The following UNC80 variants were observed in gnomAD, a reference collection of about 807,000 sequenced individuals.
UNC80 encodes protein unc-80 homolog.
Under a neutral mutation model 384.6 loss-of-function variants are expected in UNC80, and 164 were observed. The ratio of observed to expected loss-of-function variants is 0.43; its 90% confidence interval spans 0.38 to 0.49. UNC80 has a LOEUF of 0.49. Among genes scored for constraint, UNC80 ranks in the 20% least tolerant of loss-of-function variants. The probability of loss-of-function intolerance (pLI) is 0.00; values close to 1 mark genes in which losing one functional copy is unlikely to be tolerated. For synonymous variants in UNC80, 1,486 were observed against 1,527.8 expected (o/e 0.97, Z 0.64); for missense variants, 3,330 against 4,143.0 (o/e 0.80, Z 5.39).
Position 209,973,277 on chromosome 2 carries a change from A to ACTTT in UNC80, c.8587+10_8587+13dup, listed in dbSNP as rs979982373. Reference sequence around the variant, plus strand: ...AGCCAAGCAGCATACTTGGGTTGGTACTTTCTCTCTCTCTCTCTCTGTTTG... The same window carrying ACTTT: ...AGCCAAGCAGCATACTTGGGTTGGTACTTTCTTTCTCTCTCTCTCTCTCTGTTTG... On this transcript the variant is annotated splice_region_variant and intron_variant, in intron 56 of 64. Coordinates refer to ENST00000673920, the MANE Select transcript of UNC80 (RefSeq NM_001371986.1). 3.2e-6 allele frequency: 5 copies of ACTTT among 1,550,646 alleles called. No homozygotes were observed. In the African/African-American group the frequency reaches 5.5e-5, roughly 17 times the overall value.
rs112014507 is a variant in UNC80, at chr2:209,938,601, T to C, written c.6466-871T>C. Among the ~76,000 whole-genome samples the C allele has an allele frequency of 4.6e-3, 695 of 151,902 alleles. 4 individuals carry two copies. The highest frequency in any genetic ancestry group is 0.016 in the African/African-American group (665 of 41,412). On this transcript the variant is annotated intron_variant, in intron 42 of 64. Coordinates refer to ENST00000673920, the MANE Select transcript of UNC80 (RefSeq NM_001371986.1). ...TAAACAATTCCTAAAACAATTCTCCTCAAATTACCCCAGCCCATGATTTTG... is the reference window on the plus strand; with the variant it reads ...TAAACAATTCCTAAAACAATTCTCCCCAAATTACCCCAGCCCATGATTTTG...
intron 32 of UNC80, among the ~76,000 whole-genome samples, 167 bp from the exon 33 acceptor site, chr2:209,918,365 A>G (rs1386382942): frequency 6.6e-6 from 1 of 152,232 alleles, no homozygotes; most frequent in Non-Finnish European, 1.5e-5. Context: ...CTTGTGCTCT[A>G]TAACAGAAAA....
intron 22 of UNC80, among the ~76,000 whole-genome samples, chr2:209,852,377 A>C (rs142923879): frequency 8.3e-4 from 127 of 152,222 alleles, no homozygotes; most frequent in African/African-American, 2.9e-3. Context: ...GATAAAAGGC[A>C]TAGGTGATGA....
In UNC80 at chr2:209,793,701, C is replaced by G; in HGVS notation, c.799-19C>G. On this transcript the variant is annotated intron_variant, in intron 6 of 64. Transcript: ENST00000673920. ...AAAACAAAAAACAAAACCTAATCTG[C>G]TATCTCTGCCTCCAAAAGGGACTCC... The G allele has an allele frequency of 6.2e-7, 1 of 1,612,114 alleles. No individual in the cohort carries two copies.
chr2:209,836,377 A>G (rs6761179), intron 18 of UNC80, among the ~76,000 whole-genome samples: 105,575 of 152,038 alleles, frequency 0.69, 41,639 homozygotes, highest in Non-Finnish European at 0.89. Context: ...AACACCAGCA[A>G]CTATTGAGCT....
At chr2:209,988,114 G>A (rs867943787) in intron 61 of UNC80, among the ~76,000 whole-genome samples, 3 of 152,034 alleles carry the variant, frequency 2.0e-5, no homozygotes, top group African/African-American at 7.2e-5. Flanking sequence ...ATCTTTTATT[G>A]AGAAAAGGGG....
chr2:209,946,918 T>C (rs1280458906), intron 47 of UNC80, among the ~76,000 whole-genome samples: 3 of 152,188 alleles, frequency 2.0e-5, no homozygotes, highest in Non-Finnish European at 4.4e-5. Flanking sequence ...TTATATTAAT[T>C]GAACTCTTTT....
chr2:209,854,735 A>G (rs921655957), intron 22 of UNC80, among the ~76,000 whole-genome samples: 1 of 152,212 alleles, frequency 6.6e-6, no homozygotes, highest in Non-Finnish European at 1.5e-5. Context: ...ACAAATCAAA[A>G]CTACAATGAG....
chr2:209,914,052 G>A, intron 31 of UNC80, 112 bp downstream of exon 31: 1 of 1,295,626 alleles, frequency 7.7e-7, no homozygotes. Flanking sequence ...TCAAGTTAAT[G>A]GCAATTGCTA....
At chr2:209,875,909 T>G (rs1291317888) in intron 23 of UNC80, among the ~76,000 whole-genome samples, 2 of 152,082 alleles carry the variant, frequency 1.3e-5, no homozygotes, top group Non-Finnish European at 2.9e-5. Context: ...GTACAAGCAG[T>G]TTTTGACCAC....
chr2:209,797,610 T>A (rs188888173), intron 7 of UNC80, among the ~76,000 whole-genome samples: 1 of 152,320 alleles, frequency 6.6e-6, no homozygotes, highest in Admixed American at 6.5e-5. Context: ...TCTTTGCTAT[T>A]GTAAATAGTG....
At chr2:209,940,057 G>C (rs1489349310) in intron 43 of UNC80, among the ~76,000 whole-genome samples, 1 of 152,184 alleles carries the variant, frequency 6.6e-6, no homozygotes, top group Non-Finnish European at 1.5e-5. Flanking sequence ...TGCTGATGCT[G>C]CTATCCCAAG....
intron 4 of UNC80, among the ~76,000 whole-genome samples, chr2:209,782,349 C>A (rs746429984): frequency 3.3e-5 from 5 of 152,040 alleles, no homozygotes; most frequent in Non-Finnish European, 7.4e-5. Context: ...TTTTTCAGAT[C>A]TTTTCTCATG....
In UNC80 at chr2:209,793,809, T is replaced by C; in HGVS notation, c.888T>C (p.Asp296=). 6.2e-7 allele frequency: 1 copy of C among 1,614,188 alleles called. No homozygotes were observed. The highest frequency in any genetic ancestry group is 8.5e-7 in the Non-Finnish European group (1 of 1,179,998). Residue 296 remains aspartate (D), a synonymous_variant, in exon 7 of 65, where the codon GAT becomes GAC. Coordinates refer to ENST00000673920, the MANE Select transcript of UNC80 (RefSeq NM_001371986.1). ...ISGCHRGNSF[D]GSLSSQTSQE... is the part of the protein sequence containing the mutation. Reference sequence around the variant, plus strand: ...GCTGTCACCGAGGAAACTCCTTTGATGGAAGTCTGTCCTCCCAAACTTCCC... The same window carrying C: ...GCTGTCACCGAGGAAACTCCTTTGACGGAAGTCTGTCCTCCCAAACTTCCC...
chr2:209,824,442 G>C (rs2080361955), intron 13 of UNC80, among the ~76,000 whole-genome samples: 1 of 152,124 alleles, frequency 6.6e-6, no homozygotes, highest in Non-Finnish European at 1.5e-5. Flanking sequence ...TTTGAAGCTG[G>C]GATGGCTCTT....
At chr2:209,990,286 C>G (rs1437154190) in intron 61 of UNC80, among the ~76,000 whole-genome samples, 1 of 152,084 alleles carries the variant, frequency 6.6e-6, no homozygotes, top group Non-Finnish European at 1.5e-5. Context: ...TTTTCTCTGC[C>G]CTATTATTTT....
intron 31 of UNC80, among the ~76,000 whole-genome samples, chr2:209,914,406 T>A (rs1401545491): frequency 6.6e-6 from 1 of 152,226 alleles, no homozygotes; most frequent in Non-Finnish European, 1.5e-5. Flanking sequence ...AGAGGCAAAA[T>A]GTGTATTCTT....
chr2:209,881,386 A>G (rs2085276104), intron 25 of UNC80, among the ~76,000 whole-genome samples: 1 of 152,124 alleles, frequency 6.6e-6, no homozygotes, highest in Non-Finnish European at 1.5e-5. Flanking sequence ...AGCTTCCTTT[A>G]CTCTGAAAAT....
chr2:209,801,067 G>A (rs919980191), intron 7 of UNC80, among the ~76,000 whole-genome samples: 2 of 152,274 alleles, frequency 1.3e-5, no homozygotes, highest in Admixed American at 1.3e-4. Flanking sequence ...CGTCTACTAA[G>A]TCTGCTTGAT....
Sources: gnomAD v4.1 joint callset for allele counts (sites outside exome capture counted in the v4.1 genomes callset) on GRCh38, gnomAD v4.1.1 for gene constraint, MANE v1.5 for transcripts, NCBI Gene and HGNC (gene_info 2026-07-23, HGNC 2026-07-21) for gene names.